DCC: variants seen among roughly 807,000 people sequenced by gnomAD.
DCC encodes the protein DCC netrin 1 receptor, also known as netrin receptor DCC.
DCC carries 58 observed loss-of-function variants against 172.5 expected under a neutral mutation model. The ratio of observed to expected loss-of-function variants is 0.34; its 90% CI spans 0.27 to 0.42. The LOEUF is 0.42. Among genes scored for constraint, DCC ranks in the 10% least tolerant of loss-of-function variants. The pLI is 1.00. For synonymous variants in DCC, 709 were observed against 644.5 expected (o/e 1.10, Z -1.52); for missense variants, 1,740 against 1,791.0 (o/e 0.97, Z 0.51).
intron 2 of DCC, among the ~76,000 whole-genome samples, chr18:52,768,193 C>T (rs964057957): frequency 1.3e-4 from 20 of 152,184 alleles, no homozygotes; most frequent in African/African-American, 4.1e-4. Context: ...TATAACTCAG[C>T]ATTAAGAATT....
At chr18:53,011,463 G>A (rs2041729988) in intron 5 of DCC, among the ~76,000 whole-genome samples, 1 of 151,422 alleles carries the variant, frequency 6.6e-6, no homozygotes, top group Non-Finnish European at 1.5e-5. Flanking sequence ...TGCAAAGAGG[G>A]TTACAACTTC....
intron 9 of DCC, among the ~76,000 whole-genome samples, chr18:53,183,138 A>G (rs1262483582): frequency 6.6e-6 from 1 of 152,138 alleles, no homozygotes; most frequent in Non-Finnish European, 1.5e-5. Context: ...TATCAACTCT[A>G]TTATACAAAC....
intron 2 of DCC, among the ~76,000 whole-genome samples, chr18:52,767,202 A>G (rs1267407660): frequency 6.6e-6 from 1 of 152,090 alleles, no homozygotes; most frequent in East Asian, 1.9e-4. Context: ...AATAGGATCA[A>G]TCAAATAATG....
intron 7 of DCC, among the ~76,000 whole-genome samples, chr18:53,078,720 T>C (rs2042757437): frequency 6.6e-6 from 1 of 152,324 alleles, no homozygotes; most frequent in Non-Finnish European, 1.5e-5. Flanking sequence ...CTGTCTTTGT[T>C]ATTTTGTGTT....
In DCC at chr18:53,052,995, T is replaced by C. The variant is rs368165416; in HGVS notation, c.986-10310T>C. 5.9e-5 allele frequency among the ~76,000 whole-genome samples: 9 copies of C among 151,956 alleles called. No homozygotes were observed. In the East Asian group the frequency reaches 1.6e-3, roughly 26 times the overall value. On this transcript the variant is annotated intron_variant, in intron 5 of 28. Transcript: ENST00000442544. ...GTGTCTCCACTAAAAATACAAAAAT[T>C]AGTAGAGCGTGATGGTGTGCACCTG...
At chr18:52,516,062 A>G (rs1394583406) in intron 1 of DCC, among the ~76,000 whole-genome samples, 1 of 152,148 alleles carries the variant, frequency 6.6e-6, no homozygotes, top group Non-Finnish European at 1.5e-5. Flanking sequence ...ATGTCACTAC[A>G]CACCTAACAG....
At chr18:53,027,297 T>TTG (rs2041968283) in intron 5 of DCC, among the ~76,000 whole-genome samples, 1 of 152,138 alleles carries the variant, frequency 6.6e-6, no homozygotes, top group Admixed American at 6.6e-5. Flanking sequence ...GTGGAAAGGG[T>TTG]TGATACAGCT....
intron 27 of DCC, among the ~76,000 whole-genome samples, chr18:53,514,514 G>GT (rs937187435): frequency 4.6e-5 from 7 of 152,102 alleles, no homozygotes; most frequent in African/African-American, 1.7e-4. Context: ...ACAGGAGCTG[G>GT]TTTTTTGAAA....
At chr18:53,199,137 A>G (rs2055496346) in intron 9 of DCC, among the ~76,000 whole-genome samples, 2 of 149,154 alleles carry the variant, frequency 1.3e-5, no homozygotes, top group East Asian at 3.9e-4. Context: ...GTGCAGCGGC[A>G]CAATCTTGCC....
intron 18 of DCC, 122 bp downstream of exon 18, chr18:53,397,568 C>A: frequency 1.9e-6 from 2 of 1,036,896 alleles, no homozygotes; most frequent in Non-Finnish European, 2.9e-6. Context: ...AATAGTTCAT[C>A]CTCTATAGTT....
At chr18:53,278,979 A>G (rs1598976423) in intron 12 of DCC, among the ~76,000 whole-genome samples, 2 of 152,270 alleles carry the variant, frequency 1.3e-5, no homozygotes, top group African/African-American at 4.8e-5. Flanking sequence ...TCCCTGAGGA[A>G]TCACCACACT....
chr18:52,577,458 G>A (rs1168867276), intron 1 of DCC, among the ~76,000 whole-genome samples: 2 of 152,152 alleles, frequency 1.3e-5, no homozygotes, highest in African/African-American at 2.4e-5. Context: ...GAGAGTTTCT[G>A]TGCTAACGTT....
intron 1 of DCC, among the ~76,000 whole-genome samples, chr18:52,605,002 A>C (rs377212086): frequency 7.3e-6 from 1 of 137,364 alleles, no homozygotes; most frequent in East Asian, 2.0e-4. Flanking sequence ...ATGGTTTACT[A>C]TAAGGAGCTG....
At chr18:53,122,741 T>A (rs1268200222) in intron 7 of DCC, among the ~76,000 whole-genome samples, 1 of 152,026 alleles carries the variant, frequency 6.6e-6, no homozygotes, top group African/African-American at 2.4e-5. Flanking sequence ...ATTAACATGA[T>A]GGTTATTGCA....
chr18:52,862,326 G>T (rs1210649635), intron 2 of DCC, among the ~76,000 whole-genome samples: 1 of 152,020 alleles, frequency 6.6e-6, no homozygotes, highest in African/African-American at 2.4e-5. Context: ...TCAAAATAAG[G>T]AAAGTTAAAA....
intron 1 of DCC, among the ~76,000 whole-genome samples, chr18:52,584,817 G>A (rs973630024): frequency 2.6e-5 from 4 of 151,560 alleles, no homozygotes; most frequent in East Asian, 1.9e-4. Flanking sequence ...TAGGATTACC[G>A]AGACGAGCCA....
intron 9 of DCC, among the ~76,000 whole-genome samples, chr18:53,196,081 T>G (rs1245570630): frequency 6.6e-6 from 1 of 152,188 alleles, no homozygotes. Context: ...ACCGTGGAAT[T>G]ATTTTTAAGT....
At chr18:53,138,500 A>C (rs533261684) in intron 7 of DCC, among the ~76,000 whole-genome samples, 3 of 152,346 alleles carry the variant, frequency 2.0e-5, no homozygotes, top group Admixed American at 1.3e-4. Flanking sequence ...AAAGGTGTTA[A>C]TGAATTTCTC....
intron 5 of DCC, among the ~76,000 whole-genome samples, chr18:53,034,304 T>G (rs1013953494): frequency 2.0e-5 from 3 of 152,010 alleles, no homozygotes; most frequent in African/African-American, 7.2e-5. Context: ...GTTTCCAAAT[T>G]TCTCATTTCT....
Sources: gnomAD v4.1 joint callset for allele counts (sites outside exome capture counted in the v4.1 genomes callset) on GRCh38, gnomAD v4.1.1 for gene constraint, MANE v1.5 for transcripts, NCBI Gene and HGNC (gene_info 2026-07-23, HGNC 2026-07-21) for gene names.